The following ITGB3BP variants were observed in gnomAD, a reference collection of about 807,000 sequenced individuals.
The protein encoded by ITGB3BP is centromere protein R.
Under a neutral mutation model 29.1 loss-of-function variants are expected in ITGB3BP, and 27 were observed. The ratio of observed to expected loss-of-function variants is 0.93; its 90% CI spans 0.68 to 1.28. The LOEUF (loss-of-function observed/expected upper bound fraction) is 1.28. Ranked by LOEUF, ITGB3BP falls within the 50% of genes most tolerant of loss-of-function variation. The pLI, the probability that ITGB3BP is intolerant of heterozygous loss-of-function variation, is 0.00. For synonymous variants in ITGB3BP, 61 were observed against 61.4 expected, an observed-to-expected ratio of 0.99 and a Z score of 0.03; for missense variants, 192 against 200.2, an observed-to-expected ratio of 0.96 and a Z score of 0.25.
intron 1 of ITGB3BP, among the ~76,000 whole-genome samples, chr1:63,513,597 C>G (rs1646247846): frequency 6.6e-6 from 1 of 152,132 alleles, no homozygotes; most frequent in African/African-American, 2.4e-5. Context: ...CAGTCTCTCT[C>G]AGAGGACAGA....
At chr1:63,522,592 T>C (rs781319363) in intron 1 of ITGB3BP, among the ~76,000 whole-genome samples, 1 of 152,164 alleles carries the variant, frequency 6.6e-6, no homozygotes, top group African/African-American at 2.4e-5. Context: ...ATCAGATTAT[T>C]GGTCATAGAT....
At position 63,440,868 on chromosome 1, in the gene ITGB3BP, T is replaced by C. The variant is rs1251025971; in HGVS notation, c.*237A>G. The stretch of plus-strand genomic sequence containing the variant: ...ATATAAGTCAAGATCTTCCTCTCCA[T>C]GTTGGCTTACATTAAAGAGCCAAGA... On this transcript the variant is annotated 3_prime_UTR_variant, in exon 9 of 9. Transcript: ENST00000271002. 1 of 152,652 alleles carries C rather than the reference T, an allele frequency of 6.6e-6. No homozygotes were observed. Among genetic ancestry groups the C allele is most frequent in the Non-Finnish European group, 1.5e-5 (1 of 68,042 alleles). The allele number at this position is 152,652 out of a possible 1,614,324, so 9.5% of individuals were successfully genotyped here.
chr1:63,446,375 G>T (rs1043738257), intron 8 of ITGB3BP, among the ~76,000 whole-genome samples: 1 of 152,160 alleles, frequency 6.6e-6, no homozygotes, highest in Non-Finnish European at 1.5e-5. Context: ...AATAAATATA[G>T]ATTTATTTAC....
chr1:63,495,693 G>A (rs1205937315), intron 2 of ITGB3BP, among the ~76,000 whole-genome samples: 2 of 151,956 alleles, frequency 1.3e-5, no homozygotes, highest in African/African-American at 4.8e-5. Flanking sequence ...GGGGGTGAAG[G>A]CAAATTAATT....
intron 3 of ITGB3BP, among the ~76,000 whole-genome samples, chr1:63,486,088 AT>A (rs915230393): frequency 2.6e-5 from 4 of 151,928 alleles, no homozygotes; most frequent in African/African-American, 9.7e-5. Context: ...TCTGCCTATC[AT>A]TTCACTTTAT....
rs756610650 is a variant in ITGB3BP at position 63,446,797 on chromosome 1, A to G, written c.*1+9T>C. On this transcript the variant is annotated intron_variant, in intron 8 of 8. Transcript: ENST00000271002. ...AAGGTTAAACTAAATTAGAAAGGTG[A>G]AACAGTACCTCAGTTTAAAATGGCT... 4.4e-6 allele frequency: 7 copies of G among 1,587,984 alleles called. No homozygotes were observed. The highest frequency in any genetic ancestry group is 1.1e-5 in the South Asian group (1 of 90,462).
rs190580628 is a variant in ITGB3BP at position 63,459,394 on chromosome 1, C to T, written c.255-4426G>A. Reference sequence around the variant, plus strand: ...AATTGTACTTTTATAAATCTCAAGACTTGTGCATTAAAATGTACATAACAG... The same window carrying T: ...AATTGTACTTTTATAAATCTCAAGATTTGTGCATTAAAATGTACATAACAG... On this transcript the variant is annotated intron_variant, in intron 4 of 8. Transcript: ENST00000271002. 1.1e-3 allele frequency among the ~76,000 whole-genome samples: 163 copies of T among 152,246 alleles called. No individual in the cohort carries two copies. The South Asian group carries it at 0.014, about 13-fold the overall frequency.
In ITGB3BP at chr1:63,440,968, C is replaced by T. The variant is rs1407056132; in HGVS notation, c.*137G>A. On this transcript the variant is annotated 3_prime_UTR_variant, in exon 9 of 9. Transcript: ENST00000271002. ...TTAAATTAGCTGCAAGAAATTTTAT[C>T]TAGACATGCACCTGCCAACTGCTAC... 6.6e-6 allele frequency: 1 copy of T among 152,608 alleles called. No individual in the cohort carries two copies. The highest frequency in any genetic ancestry group is 1.5e-5 in the Non-Finnish European group (1 of 68,040). 9.5% of individuals were successfully genotyped at this position (152,608 alleles called of 1,614,324 possible). A position where few individuals can be genotyped will look rare whatever the true frequency, so the allele number is the denominator to read the frequency against.
chr1:63,478,084 C>T (rs1645371756), intron 4 of ITGB3BP, among the ~76,000 whole-genome samples: 1 of 152,042 alleles, frequency 6.6e-6, no homozygotes, highest in Non-Finnish European at 1.5e-5. Context: ...AATGTAAATG[C>T]TATATAAATA....
Position 63,454,930 on chromosome 1 carries a change from T to C in ITGB3BP, c.293A>G (p.Glu98Gly). The change falls in exon 5 of 9, where the codon GAA becomes GGA. Residue 98 changes from glutamate to glycine, a missense_variant. Coordinates refer to ENST00000271002, the MANE Select transcript of ITGB3BP (RefSeq NM_014288.5). This position sits in a 1 kb window ranked among gnomAD's most constrained non-coding sequence, Gnocchi z 4.1. ...MLLSKVEKLS[E>G]EIMEIMQNLS... ...ATTTTGCATTATCTCCATGATTTCTTCTGACAATTTCTCAACTTTTGATAG... is the reference window on the plus strand; with the variant it reads ...ATTTTGCATTATCTCCATGATTTCTCCTGACAATTTCTCAACTTTTGATAG... 1 of 1,570,252 alleles carries C rather than the reference T, an allele frequency of 6.4e-7. No homozygotes were observed. The highest frequency in any genetic ancestry group is 8.8e-7 in the Non-Finnish European group (1 of 1,141,386).
intron 2 of ITGB3BP, among the ~76,000 whole-genome samples, chr1:63,506,237 C>G (rs544532778): frequency 6.6e-6 from 1 of 152,256 alleles, no homozygotes; most frequent in East Asian, 1.9e-4. Context: ...GTTAGCTCTT[C>G]TTGTTGAATT....
intron 2 of ITGB3BP, among the ~76,000 whole-genome samples, chr1:63,505,108 C>G (rs1646042772): frequency 6.6e-6 from 1 of 152,142 alleles, no homozygotes; most frequent in African/African-American, 2.4e-5. Flanking sequence ...CCTTGTACCT[C>G]TGGTAGAATT....
intron 4 of ITGB3BP, among the ~76,000 whole-genome samples, chr1:63,473,890 C>T (rs1645269313): frequency 1.2e-4 from 4 of 32,442 alleles, no homozygotes; most frequent in African/African-American, 4.9e-4. Context: ...GACCCCTCTG[C>T]CCGGCCAGCC....
chr1:63,513,581 C>T (rs1423573339), intron 1 of ITGB3BP, among the ~76,000 whole-genome samples: 5 of 152,116 alleles, frequency 3.3e-5, no homozygotes, highest in African/African-American at 7.2e-5. Flanking sequence ...CTTACGTCAT[C>T]GCTTACAGTC....
At chr1:63,523,956 C>T (rs75606498), upstream of ITGB3BP, among the ~76,000 whole-genome samples, 3,447 of 152,076 alleles carry the variant, frequency 0.023, 48 homozygotes, top group Non-Finnish European at 0.037. Flanking sequence ...TTTATGGAGC[C>T]GTTTGCTGCA....
Position 63,505,296 on chromosome 1 carries a change from C to A in ITGB3BP, c.48+3232G>T, listed in dbSNP as rs961105646. Among the ~76,000 whole-genome samples, 2 of 152,102 alleles carry A rather than the reference C, an allele frequency of 1.3e-5. 1 individual carries two copies. Among genetic ancestry groups the A allele is most frequent in the South Asian group, 4.1e-4 (2 of 4,828 alleles). ...TCTTCTAGATTTTCTAGTTTATTTG[C>A]GTAGAGGTGTTTATAGTATTCTCTG... On this transcript the variant is annotated intron_variant, in intron 2 of 8. Coordinates refer to ENST00000271002, the MANE Select transcript of ITGB3BP (RefSeq NM_014288.5).
Position 63,454,923 on chromosome 1 carries a change from G to A in ITGB3BP, c.300C>T (p.Ile100=). The change falls in exon 5 of 9, where the codon ATC becomes ATT. Residue 100 remains isoleucine, a synonymous_variant. Coordinates refer to ENST00000271002, the MANE Select transcript of ITGB3BP (RefSeq NM_014288.5). This position sits in a 1 kb window ranked among gnomAD's most constrained non-coding sequence, Gnocchi z 4.1. ...TACTTAAATTTTGCATTATCTCCAT[G>A]ATTTCTTCTGACAATTTCTCAACTT... ...LSKVEKLSEE[I]MEIMQNLSSI... is the part of the protein sequence containing the mutation. 6.4e-7 allele frequency: 1 copy of A among 1,566,038 alleles called. No homozygotes were observed. The highest frequency in any genetic ancestry group is 8.8e-7 in the Non-Finnish European group (1 of 1,137,778).
chr1:63,505,905 A>G (rs1235317561), intron 2 of ITGB3BP, among the ~76,000 whole-genome samples: 1 of 152,060 alleles, frequency 6.6e-6, no homozygotes, highest in East Asian at 1.9e-4. Flanking sequence ...CTGTTCTTTT[A>G]CATTTGCTGA....
At chr1:63,463,157 G>A (rs905109032) in intron 4 of ITGB3BP, among the ~76,000 whole-genome samples, 5 of 144,158 alleles carry the variant, frequency 3.5e-5, no homozygotes, top group East Asian at 2.1e-4. Flanking sequence ...GCTGAGGCAG[G>A]AGAATCACTT....
Sources: allele counts gnomAD v4.1 joint callset (sites outside exome capture counted in the v4.1 genomes callset), GRCh38; gene constraint gnomAD v4.1.1; non-coding constraint Gnocchi (gnomAD v3.1); transcripts MANE v1.5; gene names NCBI Gene and HGNC (gene_info 2026-07-23, HGNC 2026-07-21).